KATNIP: variants seen among roughly 807,000 people sequenced by gnomAD.
KATNIP encodes katanin-interacting protein.
A neutral mutation model predicts 174.0 loss-of-function variants in KATNIP; 126 were observed. That is an observed-to-expected ratio of 0.72 (90% confidence interval 0.63 to 0.84). The LOEUF (loss-of-function observed/expected upper bound fraction) is 0.84, where lower values mean the gene tolerates loss of function less well. KATNIP is among the 40% of genes least tolerant of loss of function. KATNIP has a pLI of 0.00. For missense variants in KATNIP, 1,958 were observed against 2,109.7 expected (o/e 0.93, Z 1.41); for synonymous variants, 810 against 835.7 (o/e 0.97, Z 0.53).
intron 1 of KATNIP, among the ~76,000 whole-genome samples, chr16:27,560,066 G>A (rs972550727): frequency 4.6e-5 from 7 of 151,826 alleles, no homozygotes; most frequent in Non-Finnish European, 8.8e-5. Context: ...GGCAGATCAC[G>A]AGGTCAGGAG....
intron 11 of KATNIP, among the ~76,000 whole-genome samples, chr16:27,703,631 C>G (rs1442150370): frequency 6.6e-6 from 1 of 152,228 alleles, no homozygotes; most frequent in Non-Finnish European, 1.5e-5. Flanking sequence ...GCTCTTGACT[C>G]TCAAGTTCTA....
intron 14 of KATNIP, among the ~76,000 whole-genome samples, chr16:27,724,932 C>G (rs566566455): frequency 9.9e-5 from 15 of 152,130 alleles, no homozygotes; most frequent in Non-Finnish European, 1.0e-4. Context: ...AGGGGAGTCT[C>G]TTTTATTGGG....
chr16:27,640,630 A>G (rs980300889), intron 5 of KATNIP, among the ~76,000 whole-genome samples: 1 of 149,408 alleles, frequency 6.7e-6, no homozygotes, highest in African/African-American at 2.5e-5. Flanking sequence ...ACATTCTCCC[A>G]TTATGTGTGC....
chr16:27,757,531 C>T, intron 18 of KATNIP: 2 of 985,372 alleles, frequency 2.0e-6, no homozygotes, highest in Non-Finnish European at 2.4e-6. Context: ...GACCCAGCTC[C>T]TGACCTTTCA....
intron 3 of KATNIP, among the ~76,000 whole-genome samples, chr16:27,621,470 A>G (rs942505990): frequency 1.1e-4 from 17 of 152,076 alleles, no homozygotes; most frequent in Admixed American, 9.8e-4. Context: ...CCCTACGTAC[A>G]TCCTACCTAG....
chr16:27,608,192 A>G (rs567432045), intron 2 of KATNIP, among the ~76,000 whole-genome samples: 2 of 149,662 alleles, frequency 1.3e-5, no homozygotes, highest in East Asian at 2.0e-4. Flanking sequence ...TTTTTCCCCT[A>G]GAGAAAATTA....
Position 27,681,334 on chromosome 16 carries a change from G to A in KATNIP, c.809-65G>A, listed in dbSNP as rs909958685. 3 of 1,589,428 alleles carry A rather than the reference G, an allele frequency of 1.9e-6. No individual in the cohort carries two copies. In the Admixed American group the frequency reaches 5.0e-5, roughly 27 times the overall value. ...GTAAGTGAATGAATGATGAACAAAT[G>A]CCTGAACAGAATGCCCAACTTGCTT... is the stretch of plus-strand genomic sequence containing the variant. On this transcript the variant is annotated intron_variant, in intron 7 of 27. Coordinates refer to ENST00000261588, the MANE Select transcript of KATNIP (RefSeq NM_015202.5).
intron 22 of KATNIP, 125 bp downstream of exon 22, chr16:27,771,777 A>C: frequency 1.0e-6 from 1 of 979,006 alleles, no homozygotes; most frequent in Non-Finnish European, 1.5e-6. Context: ...CAAGGAAACC[A>C]AGGCAGAGGA....
intron 18 of KATNIP, among the ~76,000 whole-genome samples, chr16:27,760,167 G>C (rs2081898803): frequency 6.6e-6 from 1 of 152,212 alleles, no homozygotes; most frequent in Non-Finnish European, 1.5e-5. Flanking sequence ...GGTGGTGCCA[G>C]ATGACACCCT....
In KATNIP at chr16:27,751,820, C is replaced by G. The variant is rs747446459; in HGVS notation, c.3448C>G (p.Leu1150Val). 6.2e-7 allele frequency: 1 copy of G among 1,614,190 alleles called. No individual in the cohort carries two copies. The highest frequency in any genetic ancestry group is 1.1e-5 in the South Asian group (1 of 91,078). Residue 1150 changes from leucine (L) to valine (V), a missense_variant, in exon 17 of 28, where the codon CTG becomes GTG. Transcript: ENST00000261588. ...GATGTTTGACCTGGATGTGGGGAGC[C>G]TGGACAGCCTGCAGGATGAAGAGGC... ...DEMFDLDVGS[L>V]DSLQDEEAMR...
chr16:27,584,104 G>T (rs887497860), intron 2 of KATNIP, among the ~76,000 whole-genome samples: 2 of 152,088 alleles, frequency 1.3e-5, no homozygotes, highest in Non-Finnish European at 2.9e-5. Flanking sequence ...AGGTGGTCAG[G>T]GTGCCTAGAA....
At chr16:27,728,717 C>T (rs150645994) in intron 14 of KATNIP, among the ~76,000 whole-genome samples, 87 of 152,308 alleles carry the variant, frequency 5.7e-4, no homozygotes, top group African/African-American at 1.9e-3. Context: ...AGGCATGAAC[C>T]GCTCGGCCCA....
intron 1 of KATNIP, among the ~76,000 whole-genome samples, chr16:27,569,484 C>T (rs2090208711): frequency 6.6e-6 from 1 of 152,194 alleles, no homozygotes; most frequent in Non-Finnish European, 1.5e-5. Flanking sequence ...CTGAAGCAGG[C>T]AGGTCACCCT....
chr16:27,639,239 A>C (rs233458), intron 5 of KATNIP, among the ~76,000 whole-genome samples: 125,815 of 152,128 alleles, frequency 0.83, 52,254 homozygotes, highest in East Asian at 1. Flanking sequence ...AGCCCCTCAG[A>C]TTCCTGGGGG....
At chr16:27,562,232 A>T (rs1870161436) in intron 1 of KATNIP, among the ~76,000 whole-genome samples, 2 of 152,214 alleles carry the variant, frequency 1.3e-5, no homozygotes, top group South Asian at 4.1e-4. Context: ...ACTGAAGCCC[A>T]GAAGGTTGAA....
At position 27,779,237 on chromosome 16, in the gene KATNIP, C is replaced by T. The variant is rs1218240861; in HGVS notation, c.*608C>T. On this transcript the variant is annotated 3_prime_UTR_variant, in exon 28 of 28. Coordinates refer to ENST00000261588, the MANE Select transcript of KATNIP (RefSeq NM_015202.5). Reference sequence around the variant, plus strand: ...CTCATCCCGGTATAGGGGCCTCTCTCCTCTCATCGGGCCTGATAAGGGATT... The same window carrying T: ...CTCATCCCGGTATAGGGGCCTCTCTTCTCTCATCGGGCCTGATAAGGGATT... 1 of 152,354 alleles carries T rather than the reference C, an allele frequency of 6.6e-6. No homozygotes were observed. Among genetic ancestry groups the T allele is most frequent in the African/African-American group, 2.4e-5 (1 of 41,456 alleles). 9.4% of individuals were successfully genotyped at this position (152,354 alleles called of 1,614,324 possible).
Position 27,663,280 on chromosome 16 carries a change from A to G in KATNIP, c.541-14449A>G, listed in dbSNP as rs553937620. Among the ~76,000 whole-genome samples, 26 of 146,444 alleles carry G rather than the reference A, an allele frequency of 1.8e-4. 1 individual carries two copies. Among genetic ancestry groups the G allele is most frequent in the Middle Eastern group, 7.4e-3 (2 of 272 alleles). ...CCAAAGTGCTAGGATTACAGGTGTG[A>G]CCCACCACACCTGGCCCATTTAATT... On this transcript the variant is annotated intron_variant, in intron 6 of 27. Transcript: ENST00000261588.
chr16:27,650,423 A>G (rs1356491006), intron 6 of KATNIP, among the ~76,000 whole-genome samples: 1 of 152,378 alleles, frequency 6.6e-6, no homozygotes, highest in African/African-American at 2.4e-5. Flanking sequence ...GAATGAGTAC[A>G]TCATCTCCAT....
rs558172275 is a variant in KATNIP at position 27,695,235 on chromosome 16, C to T, written c.941-3093C>T. On this transcript the variant is annotated intron_variant, in intron 8 of 27. Coordinates refer to ENST00000261588, the MANE Select transcript of KATNIP (RefSeq NM_015202.5). ...TTTCAGTCTCTTCTCCACTCTGCAC[C>T]TACATCAGATCTGGTCTTCTGCTCT... Among the ~76,000 whole-genome samples, 6 of 152,340 alleles carry T rather than the reference C, an allele frequency of 3.9e-5. No homozygotes were observed. The South Asian group carries it at 1.2e-3, about 32-fold the overall frequency.
Sources: gnomAD v4.1 joint callset for allele counts (sites outside exome capture counted in the v4.1 genomes callset) on GRCh38, gnomAD v4.1.1 for gene constraint, MANE v1.5 for transcripts, NCBI Gene and HGNC (gene_info 2026-07-23, HGNC 2026-07-21) for gene names.